ABCB4: variants seen among roughly 807,000 people sequenced by gnomAD.
The protein encoded by ABCB4 is ATP binding cassette subfamily B member 4, also known as phosphatidylcholine translocator ABCB4.
A neutral mutation model predicts 145.7 loss-of-function variants in ABCB4; 76 were observed. That is an observed-to-expected ratio of 0.52 (90% confidence interval 0.43 to 0.63). The LOEUF (loss-of-function observed/expected upper bound fraction) is 0.63. Ranked by LOEUF, ABCB4 falls within the 30% of genes least tolerant of loss-of-function variation. The probability of loss-of-function intolerance (pLI) is 0.00; values close to 1 mark genes in which losing one functional copy is unlikely to be tolerated. For missense variants in ABCB4, 1,234 were observed against 1,553.1 expected (o/e 0.79, Z 3.45); for synonymous variants, 517 against 566.8 (o/e 0.91, Z 1.25).
At chr7:87,465,235 G>A (rs910800707) in intron 3 of ABCB4, among the ~76,000 whole-genome samples, 5 of 152,196 alleles carry the variant, frequency 3.3e-5, no homozygotes, top group African/African-American at 9.7e-5. Flanking sequence ...TACATCCCAC[G>A]CCTGGCTCAG....
At chr7:87,398,408 C>G, downstream of ABCB4, 1 of 1,284,080 alleles carries the variant, frequency 7.8e-7, no homozygotes, top group South Asian at 1.2e-5. Context: ...TACCTAATGT[C>G]AGCAAGACTT....
At chr7:87,467,312 C>A (rs566059801) in intron 3 of ABCB4, among the ~76,000 whole-genome samples, 50 of 152,338 alleles carry the variant, frequency 3.3e-4, no homozygotes, top group African/African-American at 1.1e-3. Flanking sequence ...AAGGCCATTA[C>A]ATAATGGTAA....
chr7:87,475,659 G>C lies in ABCB4; in HGVS notation c.-32C>G. ...CTCGAACCTCGCGCGTGTCTGGCAG[G>C]GCCTCTGGACGCGCGGGCGCTGCAG... On this transcript the variant is annotated 5_prime_UTR_variant, in exon 1 of 28. Coordinates refer to ENST00000649586, the MANE Select transcript of ABCB4 (RefSeq NM_000443.4). 1 of 631,518 alleles carries C rather than the reference G, an allele frequency of 1.6e-6. No individual in the cohort carries two copies. Among genetic ancestry groups the C allele is most frequent in the Non-Finnish European group, 2.8e-6 (1 of 357,300 alleles). The allele number at this position is 631,518 out of a possible 1,614,324, so 39.1% of individuals were successfully genotyped here. A position where few individuals can be genotyped will look rare whatever the true frequency, so the allele number is the denominator to read the frequency against.
At chr7:87,398,124 T>G (rs1807604400), downstream of ABCB4, among the ~76,000 whole-genome samples, 1 of 152,024 alleles carries the variant, frequency 6.6e-6, no homozygotes, top group South Asian at 2.1e-4. Context: ...TTTCAAACTT[T>G]CTTCAAGTAC....
intron 9 of ABCB4, among the ~76,000 whole-genome samples, chr7:87,445,754 C>T (rs1811302237): frequency 6.6e-6 from 1 of 152,166 alleles, no homozygotes; most frequent in Non-Finnish European, 1.5e-5. Flanking sequence ...ATATCTATCC[C>T]CCATCTGCAA....
intron 27 of ABCB4, 143 bp downstream of exon 27, chr7:87,402,992 T>C (rs1342285897): frequency 2.1e-6 from 2 of 938,896 alleles, no homozygotes; most frequent in African/African-American, 3.3e-5. Flanking sequence ...CGAGACCCCG[T>C]CTCAAAAAAA....
At chr7:87,424,119 A>T in intron 16 of ABCB4, 67 bp from the exon 17 acceptor site, 1 of 1,608,628 alleles carries the variant, frequency 6.2e-7, no homozygotes, top group Non-Finnish European at 8.5e-7. Flanking sequence ...GTAGACATAG[A>T]AAAGGCATGG....
rs1347633704 is a variant in ABCB4 at position 87,446,957 on chromosome 7, C to T, written c.1005+77G>A. ...ATCATGTTCATCTTTCAAAAAGGAG[C>T]GATATCAAAGAAAAGAGAAGGTAGA... On this transcript the variant is annotated intron_variant, in intron 9 of 27. Coordinates refer to ENST00000649586, the MANE Select transcript of ABCB4 (RefSeq NM_000443.4). The T allele has an allele frequency of 1.4e-5, 18 of 1,327,340 alleles. No individual in the cohort carries two copies. The Admixed American group carries it at 2.6e-4, about 19-fold the overall frequency. 82.2% of individuals were successfully genotyped at this position (1,327,340 alleles called of 1,614,324 possible).
the ABCB4 span, among the ~76,000 whole-genome samples, chr7:87,371,699 A>G: frequency 6.6e-6 from 1 of 152,110 alleles, no homozygotes; most frequent in Non-Finnish European, 1.5e-5. Flanking sequence ...CTTAAAACAT[A>G]TCTGGTGAGT....
chr7:87,395,447 ACACT>A, the ABCB4 span, among the ~76,000 whole-genome samples: 34 of 152,322 alleles, frequency 2.2e-4, no homozygotes, highest in Non-Finnish European at 4.0e-4. Flanking sequence ...AACCAAGTTG[ACACT>A]CAGTATTAAC....
At chr7:87,462,007 CAGTGCCCACAAGGTCTCTTAGAGA>C (rs948720513) in intron 4 of ABCB4, among the ~76,000 whole-genome samples, 3 of 152,212 alleles carry the variant, frequency 2.0e-5, no homozygotes, top group Non-Finnish European at 4.4e-5. Flanking sequence ...TTCTCCAGCC[CAGTGCCCACAAGGTCTCTTAGAGA>C]AAAGAGGCTT....
Position 87,409,305 on chromosome 7 carries a change from T to G in ABCB4, c.3012A>C (p.Ala1004=). 1 of 1,614,130 alleles carries G rather than the reference T, an allele frequency of 6.2e-7. No homozygotes were observed. Among genetic ancestry groups the G allele is most frequent in the East Asian group, 2.2e-5 (1 of 44,866 alleles). Residue 1004 remains alanine, a synonymous_variant, in exon 24 of 28, where the codon GCA becomes GCC. Coordinates refer to ENST00000649586, the MANE Select transcript of ABCB4 (RefSeq NM_000443.4). ...APDYAKAKLS[A]AHLFMLFERQ... is the part of the protein sequence containing the mutation. ...TTTCAAACAGCATGAATAAGTGGGC[T>G]GCAGACAGCTTAGCTTTAGCATAGT... is the stretch of plus-strand genomic sequence containing the variant.
the ABCB4 span, chr7:87,377,390 G>C: frequency 6.2e-7 from 1 of 1,611,720 alleles, no homozygotes; most frequent in Non-Finnish European, 8.5e-7. Context: ...CAGTACGCTG[G>C]GGTGACAAAT....
At chr7:87,467,427 A>T (rs1169496468) in intron 3 of ABCB4, among the ~76,000 whole-genome samples, 1 of 152,026 alleles carries the variant, frequency 6.6e-6, no homozygotes, top group Non-Finnish European at 1.5e-5. Context: ...CTACAAAGAG[A>T]CTCCCACACA....
At chr7:87,416,933 C>A (rs997366795) in intron 21 of ABCB4, among the ~76,000 whole-genome samples, 4 of 152,204 alleles carry the variant, frequency 2.6e-5, no homozygotes, top group African/African-American at 9.6e-5. Context: ...AGAAGAGGAT[C>A]TCTTAAATGC....
chr7:87,446,710 T>C (rs1366086012), intron 9 of ABCB4, among the ~76,000 whole-genome samples: 2 of 152,238 alleles, frequency 1.3e-5, no homozygotes, highest in African/African-American at 2.4e-5. Flanking sequence ...TACTTTCTTA[T>C]ACAATAAAAC....
At chr7:87,453,904 CA>C (rs1280641201) in intron 5 of ABCB4, among the ~76,000 whole-genome samples, 1 of 151,022 alleles carries the variant, frequency 6.6e-6, no homozygotes, top group Non-Finnish European at 1.5e-5. Flanking sequence ...TAAAAAGAAC[CA>C]AAAAACTTTG....
At chr7:87,441,670 C>T (rs1038277896) in intron 12 of ABCB4, among the ~76,000 whole-genome samples, 1 of 152,038 alleles carries the variant, frequency 6.6e-6, no homozygotes, top group Non-Finnish European at 1.5e-5. Flanking sequence ...GCAACAATAG[C>T]TCACTGCAGC....
the ABCB4 span, among the ~76,000 whole-genome samples, chr7:87,390,962 T>G: frequency 6.6e-6 from 1 of 152,230 alleles, no homozygotes; most frequent in Non-Finnish European, 1.5e-5. Flanking sequence ...TGAGTAACTC[T>G]GACTTAATAA....
Sources: gnomAD v4.1 joint callset for allele counts (sites outside exome capture counted in the v4.1 genomes callset) on GRCh38, gnomAD v4.1.1 for gene constraint, MANE v1.5 for transcripts, NCBI Gene and HGNC (gene_info 2026-07-23, HGNC 2026-07-21) for gene names.